The following VPS26A variants were observed in gnomAD, a reference collection of about 807,000 sequenced individuals.
VPS26A encodes vacuolar protein sorting-associated protein 26A.
A neutral mutation model predicts 42.4 loss-of-function variants in VPS26A; 22 were observed. That is an observed-to-expected ratio of 0.52 (90% CI 0.37 to 0.74). The LOEUF is 0.74. Ranked by LOEUF, VPS26A falls within the 30% of genes least tolerant of loss-of-function variation. The pLI, the probability that VPS26A is intolerant of heterozygous loss-of-function variation, is 0.00. For missense variants in VPS26A, 276 were observed against 379.2 expected (o/e 0.73, Z 2.26); for synonymous variants, 110 against 123.5 (o/e 0.89, Z 0.73).
rs1285648109 is a variant in VPS26A, at chr10:69,174,301, T to G, written c.*3032T>G. 6.6e-6 allele frequency among the ~76,000 whole-genome samples: 1 copy of G among 152,166 alleles called. No homozygotes were observed. Among genetic ancestry groups the G allele is most frequent in the Non-Finnish European group, 1.5e-5 (1 of 68,024 alleles). Reference sequence around the variant, plus strand: ...ACACGAATTTGAAATTACACTGAGGTGATCATGCCACTGCACTGTAGCTTG... The same window carrying G: ...ACACGAATTTGAAATTACACTGAGGGGATCATGCCACTGCACTGTAGCTTG... On this transcript the variant is annotated 3_prime_UTR_variant, in exon 9 of 9. Coordinates refer to ENST00000263559, the MANE Select transcript of VPS26A (RefSeq NM_004896.5).
intron 1 of VPS26A, among the ~76,000 whole-genome samples, chr10:69,124,811 GT>G (rs1430762942): frequency 6.6e-6 from 1 of 152,208 alleles, no homozygotes; most frequent in Non-Finnish European, 1.5e-5. Flanking sequence ...GTTGACACTT[GT>G]AAAATGGGAG....
intron 8 of VPS26A, among the ~76,000 whole-genome samples, chr10:69,170,657 A>G (rs1359518638): frequency 6.6e-6 from 1 of 152,168 alleles, no homozygotes; most frequent in Non-Finnish European, 1.5e-5. Flanking sequence ...ATGTTGGTAA[A>G]TTGGATAAAG....
rs761790872 is a variant in VPS26A, at chr10:69,132,942, T to G, written c.48T>G (p.Ile16Met). 120 of 1,607,786 alleles carry G rather than the reference T, an allele frequency of 7.5e-5. No homozygotes were observed. Among genetic ancestry groups the G allele is most frequent in the Non-Finnish European group, 9.8e-5 (115 of 1,178,802 alleles). The change falls in exon 2 of 9, where the codon ATT becomes ATG. Residue 16 changes from isoleucine to methionine, a missense_variant. Physicochemically the swap from Ile to Met is conservative, Grantham distance 10. Transcript: ENST00000263559. Reference protein sequence around the residue: ...GFFGPICEIDIVLNDGETRKM... With the variant: ...GFFGPICEIDMVLNDGETRKM... ...TTGGTCCAATTTGTGAGATCGATAT[T>G]GTTCTTAATGATGGGGAAACCAGGA...
Position 69,124,204 on chromosome 10 carries a change from G to T in VPS26A, c.-74G>T. 1 of 1,264,912 alleles carries T rather than the reference G, an allele frequency of 7.9e-7. No homozygotes were observed. The highest frequency in any genetic ancestry group is 3.9e-5 in the South Asian group (1 of 25,616). 78.4% of individuals were successfully genotyped at this position (1,264,912 alleles called of 1,614,324 possible). A position where few individuals can be genotyped will look rare whatever the true frequency, so the allele number is the denominator to read the frequency against. The stretch of plus-strand genomic sequence containing the variant: ...AGGTCACGTGACGGAGCGCCGGAGC[G>T]GAGGGAGCCGGGGCTGGGAGTTCTC... On this transcript the variant is annotated 5_prime_UTR_variant, in exon 1 of 9. Transcript: ENST00000263559.
chr10:69,153,140 C>T (rs1317265160), intron 2 of VPS26A, among the ~76,000 whole-genome samples: 4 of 150,564 alleles, frequency 2.7e-5, no homozygotes, highest in African/African-American at 9.8e-5. Flanking sequence ...ACCTCCGCCC[C>T]CCGGGTTCAA....
intron 2 of VPS26A, among the ~76,000 whole-genome samples, chr10:69,142,955 T>C (rs1157501196): frequency 2.0e-5 from 3 of 152,108 alleles, no homozygotes; most frequent in Admixed American, 6.6e-5. Flanking sequence ...TTGTGGAAAA[T>C]GAGAGAGGTT....
chr10:69,166,160 C>A, intron 7 of VPS26A, 50 bp downstream of exon 7: 1 of 1,517,856 alleles, frequency 6.6e-7, no homozygotes, highest in Non-Finnish European at 9.1e-7. Flanking sequence ...CATCAGTGTT[C>A]ATGGCAGTTT....
chr10:69,132,803 C>A, intron 1 of VPS26A, 95 bp from the exon 2 acceptor site: 1 of 1,223,646 alleles, frequency 8.2e-7, no homozygotes, highest in Non-Finnish European at 1.1e-6. Flanking sequence ...GATTTGCAGT[C>A]TATTTAACCG....
chr10:69,142,632 A>G (rs1416742379), intron 2 of VPS26A, among the ~76,000 whole-genome samples: 1 of 152,114 alleles, frequency 6.6e-6, no homozygotes, highest in African/African-American at 2.4e-5. Context: ...TAAGAAAGAC[A>G]TTTTAAACCT....
intron 2 of VPS26A, among the ~76,000 whole-genome samples, chr10:69,144,592 T>A (rs903123937): frequency 6.6e-5 from 10 of 152,238 alleles, no homozygotes; most frequent in African/African-American, 2.4e-4. Flanking sequence ...TTTCTCCATA[T>A]ATCTTTGTGA....
chr10:69,125,094 AG>A (rs1840621148), intron 1 of VPS26A, among the ~76,000 whole-genome samples: 1 of 152,210 alleles, frequency 6.6e-6, no homozygotes, highest in Non-Finnish European at 1.5e-5. Context: ...ATTTTCTGGT[AG>A]TAGTCGTCAG....
rs1273782141 is a variant in VPS26A at position 69,124,235 on chromosome 10, G to A, written c.-43G>A. 4 of 1,283,350 alleles carry A rather than the reference G, an allele frequency of 3.1e-6. No individual in the cohort carries two copies. Among genetic ancestry groups the A allele is most frequent in the Non-Finnish European group, 2.0e-6 (2 of 1,009,922 alleles). The allele number at this position is 1,283,350 out of a possible 1,614,324, so 79.5% of individuals were successfully genotyped here. On this transcript the variant is annotated 5_prime_UTR_variant, in exon 1 of 9. Transcript: ENST00000263559. Reference sequence around the variant, plus strand: ...AGCCGGGGCTGGGAGTTCTCCTGAGGGAAGAGGAGTGGAGTAGGGGGGACG... The same window carrying A: ...AGCCGGGGCTGGGAGTTCTCCTGAGAGAAGAGGAGTGGAGTAGGGGGGACG...
At chr10:69,148,754 A>AT (rs34136399) in intron 2 of VPS26A, among the ~76,000 whole-genome samples, 2,846 of 133,720 alleles carry the variant, frequency 0.021, 104 homozygotes, top group African/African-American at 0.064. Context: ...AGCAGAGAGT[A>AT]TTTTTTTTTT....
chr10:69,135,622 C>G (rs1342264134), intron 2 of VPS26A, among the ~76,000 whole-genome samples: 1 of 152,060 alleles, frequency 6.6e-6, no homozygotes, highest in Non-Finnish European at 1.5e-5. Flanking sequence ...TTTGGCATTG[C>G]TGGAAACCAT....
At chr10:69,157,871 TC>T (rs1841466074) in intron 4 of VPS26A, among the ~76,000 whole-genome samples, 175 bp from the exon 5 acceptor site, 1 of 152,300 alleles carries the variant, frequency 6.6e-6, no homozygotes, top group Non-Finnish European at 1.5e-5. Flanking sequence ...GTATTTTTTT[TC>T]ATGTTGGGGG....
chr10:69,146,752 TTTTG>T (rs374487011), intron 2 of VPS26A, among the ~76,000 whole-genome samples: 348 of 152,322 alleles, frequency 2.3e-3, no homozygotes, highest in African/African-American at 7.8e-3. Context: ...ATCATTCTTC[TTTTG>T]TTTGTTTTTG....
chr10:69,161,622 C>T (rs115062272), intron 5 of VPS26A: 310 of 276,182 alleles, frequency 1.1e-3, no homozygotes, highest in African/African-American at 6.3e-3. Context: ...AACCACTTTA[C>T]GGGGTTTCCC....
At chr10:69,124,396 A>G in intron 1 of VPS26A, 116 bp downstream of exon 1, 1 of 1,142,670 alleles carries the variant, frequency 8.8e-7, no homozygotes, top group Non-Finnish European at 1.1e-6. Flanking sequence ...CAGGGCGGGG[A>G]GCGGGGTTAG....
chr10:69,154,733 A>G (rs904185947), intron 2 of VPS26A, among the ~76,000 whole-genome samples: 2 of 151,754 alleles, frequency 1.3e-5, no homozygotes, highest in Non-Finnish European at 2.9e-5. Flanking sequence ...TGGTGTAGTT[A>G]TGCATCCCTA....
Sources: gnomAD v4.1 joint callset for allele counts (sites outside exome capture counted in the v4.1 genomes callset) on GRCh38, gnomAD v4.1.1 for gene constraint, MANE v1.5 for transcripts, NCBI Gene and HGNC (gene_info 2026-07-23, HGNC 2026-07-21) for gene names.